The following TRAFD1 variants were observed in gnomAD, a reference collection of about 807,000 sequenced individuals.
The protein encoded by TRAFD1 is TRAF-type zinc finger domain containing 1.
TRAFD1 carries 38 observed loss-of-function variants against 65.3 expected under a neutral mutation model. The ratio of observed to expected loss-of-function variants is 0.58; its 90% CI spans 0.45 to 0.76. TRAFD1 has a LOEUF of 0.76. Among genes scored for constraint, TRAFD1 ranks in the 30% least tolerant of loss-of-function variants. The pLI is 0.00. For missense variants in TRAFD1, 631 were observed against 712.6 expected, an observed-to-expected ratio of 0.89 and a Z score of 1.30; for synonymous variants, 223 against 257.2, an observed-to-expected ratio of 0.87 and a Z score of 1.27.
At chr12:112,149,324 A>C (rs2030338092) in intron 8 of TRAFD1, 1 of 158,272 alleles carries the variant, frequency 6.3e-6, no homozygotes, top group Admixed American at 6.2e-5. Context: ...CAACGACACA[A>C]ATAAATACTC....
intron 4 of TRAFD1, among the ~76,000 whole-genome samples, chr12:112,138,078 CA>C (rs1474559443): frequency 1.3e-5 from 2 of 151,828 alleles, no homozygotes; most frequent in African/African-American, 4.8e-5. Flanking sequence ...CCTATCTCTA[CA>C]AAAAACTAAA....
At chr12:112,128,646 C>G (rs1229000681) in intron 1 of TRAFD1, among the ~76,000 whole-genome samples, 2 of 152,076 alleles carry the variant, frequency 1.3e-5, no homozygotes, top group African/African-American at 4.8e-5. Context: ...CTGAGATGAG[C>G]ACAACATGAT....
chr12:112,140,995 G>T lies in TRAFD1; in HGVS notation c.414G>T (p.Glu138Asp), dbSNP rs149081968. 9.9e-6 allele frequency: 16 copies of T among 1,614,058 alleles called. No homozygotes were observed. The highest frequency in any genetic ancestry group is 6.7e-5 in the Admixed American group (4 of 59,984). The change falls in exon 5 of 12, where the codon GAG becomes GAT. Residue 138 changes from glutamate to aspartate, a missense_variant. Transcript: ENST00000412615. ...LKTHPEVCGR[E>D]GEEKRNEVAI... Reference sequence around the variant, plus strand: ...CTCACCCTGAAGTTTGTGGGAGAGAGGGGGAGGAAAAGAGAAATGAGGTTG... The same window carrying T: ...CTCACCCTGAAGTTTGTGGGAGAGATGGGGAGGAAAAGAGAAATGAGGTTG...
In TRAFD1 at chr12:112,148,257, G is replaced by C; in HGVS notation, c.1111G>C (p.Glu371Gln). ...GGAGGAGAGCATCATTATCCCATGT[G>C]AATTCTGTGGGGTACAGCTGGAAGA... is the stretch of plus-strand genomic sequence containing the variant. Reference protein sequence around the residue: ...PVEESIIIPCEFCGVQLEEEV... With the variant: ...PVEESIIIPCQFCGVQLEEEV... The change falls in exon 8 of 12, where the codon GAA becomes CAA. Residue 371 changes from glutamate to glutamine, a missense_variant. Glu to Gln is a conservative substitution (Grantham distance 29). Coordinates refer to ENST00000412615, the MANE Select transcript of TRAFD1 (RefSeq NM_006700.3). 6.2e-7 allele frequency: 1 copy of C among 1,614,148 alleles called. No individual in the cohort carries two copies. Among genetic ancestry groups the C allele is most frequent in the Non-Finnish European group, 8.5e-7 (1 of 1,180,022 alleles).
intron 4 of TRAFD1, among the ~76,000 whole-genome samples, chr12:112,139,369 A>C (rs935895738): frequency 6.6e-6 from 1 of 152,104 alleles, no homozygotes; most frequent in Non-Finnish European, 1.5e-5. Flanking sequence ...AAGAAAAATT[A>C]AAATTAAAAA....
intron 4 of TRAFD1, among the ~76,000 whole-genome samples, chr12:112,136,043 C>T (rs572462965): frequency 4.7e-4 from 71 of 150,738 alleles, no homozygotes; most frequent in African/African-American, 1.7e-3. Flanking sequence ...GCACGAGAAT[C>T]GCTTGAATCC....
At position 112,152,441 on chromosome 12, in the gene TRAFD1, G is replaced by A. The variant is rs778557303; in HGVS notation, c.1634G>A (p.Gly545Asp). The part of the protein sequence containing the change: ...GRYGASGRSE[G>D]GRNSRVTPAA... ...TTTTCTTTCAGTGGTAGGAGTGAAG[G>A]TGGCAGGAATTCCCGGGTCACCCCT... Residue 545 changes from glycine (G) to aspartate (D), a missense_variant, in exon 11 of 12, where the codon GGT becomes GAT. Transcript: ENST00000412615. The surrounding 1 kb of genome is among the most constrained non-coding windows in gnomAD (Gnocchi z 5.0). The A allele has an allele frequency of 1.3e-5, 21 of 1,613,568 alleles. No homozygotes were observed. Among genetic ancestry groups the A allele is most frequent in the Non-Finnish European group, 1.7e-5 (20 of 1,180,034 alleles).
intron 6 of TRAFD1, among the ~76,000 whole-genome samples, chr12:112,145,002 T>A (rs1235642553): frequency 6.6e-6 from 1 of 152,174 alleles, no homozygotes; most frequent in Non-Finnish European, 1.5e-5. Context: ...TACCCAGAAC[T>A]AAAATCTAGA....
Position 112,134,702 on chromosome 12 carries a change from G to A in TRAFD1, c.48-36G>A, listed in dbSNP as rs776849242. ...TGCAAGAAAAGGCATAGATTAGTCA[G>A]TAATGCTTGCCTTTTTCTTTGGTCT... is the stretch of plus-strand genomic sequence containing the variant. On this transcript the variant is annotated intron_variant, in intron 2 of 11. Transcript: ENST00000412615. 5.6e-6 allele frequency: 9 copies of A among 1,601,504 alleles called. No individual in the cohort carries two copies. In the African/African-American group the frequency reaches 8.0e-5, roughly 14 times the overall value.
chr12:112,151,343 C>T (rs1039176066), intron 9 of TRAFD1, among the ~76,000 whole-genome samples: 42 of 152,138 alleles, frequency 2.8e-4, no homozygotes, highest in African/African-American at 9.9e-4. Context: ...AAAATATCCC[C>T]ATCTCTGCCC....
rs139230576 is a variant in TRAFD1, at chr12:112,137,790, T to A, written c.237+2724T>A. On this transcript the variant is annotated intron_variant, in intron 4 of 11. Transcript: ENST00000412615. The surrounding 1 kb of genome is among the most constrained non-coding windows in gnomAD (Gnocchi z 4.2). ...AAATAAATAAATAAAAATAAATAAATAAAAATCCAAACAGCTGTTTATATG... is the reference window on the plus strand; with the variant it reads ...AAATAAATAAATAAAAATAAATAAAAAAAAATCCAAACAGCTGTTTATATG... Among the ~76,000 whole-genome samples the A allele has an allele frequency of 9.2e-4, 140 of 152,036 alleles. 1 individual carries two copies. The highest frequency in any genetic ancestry group is 3.3e-3 in the African/African-American group (135 of 41,494).
chr12:112,151,387 A>T (rs2030401224), intron 9 of TRAFD1, among the ~76,000 whole-genome samples: 1 of 150,870 alleles, frequency 6.6e-6, no homozygotes, highest in South Asian at 2.1e-4. Flanking sequence ...TTTTGGGGTG[A>T]GCAGTTGTCT....
At chr12:112,146,205 AAAC>A (rs1186743025) in intron 7 of TRAFD1, among the ~76,000 whole-genome samples, 1 of 150,404 alleles carries the variant, frequency 6.6e-6, no homozygotes, top group Non-Finnish European at 1.5e-5. Context: ...AGAAAAAAAA[AAAC>A]AATAGTGAAA....
At chr12:112,127,870 G>A (rs1054784377) in intron 1 of TRAFD1, among the ~76,000 whole-genome samples, 5 of 148,652 alleles carry the variant, frequency 3.4e-5, no homozygotes, top group African/African-American at 9.9e-5. Flanking sequence ...CACCGCACCC[G>A]GCTGCTTATT....
chr12:112,148,156 T>C lies in TRAFD1; in HGVS notation c.1010T>C (p.Ile337Thr). Reference sequence around the variant, plus strand: ...AGAGGGGTGGAGGAACCTGATGTCATCTTCCAGAACTTCTTGCAACAGGCT... The same window carrying C: ...AGAGGGGTGGAGGAACCTGATGTCACCTTCCAGAACTTCTTGCAACAGGCT... ...SPRGVEEPDV[I>T]FQNFLQQAAS... is the part of the protein sequence containing the mutation. The change falls in exon 8 of 12, where the codon ATC (isoleucine) becomes ACC (threonine). Residue 337 changes from isoleucine to threonine, a missense_variant. Ile to Thr is a moderately conservative substitution (Grantham distance 89). Coordinates refer to ENST00000412615, the MANE Select transcript of TRAFD1 (RefSeq NM_006700.3). 1 of 1,614,218 alleles carries C rather than the reference T, an allele frequency of 6.2e-7. No individual in the cohort carries two copies. The highest frequency in any genetic ancestry group is 8.5e-7 in the Non-Finnish European group (1 of 1,180,036).
At chr12:112,128,870 A>G (rs1449421929) in intron 1 of TRAFD1, among the ~76,000 whole-genome samples, 1 of 151,898 alleles carries the variant, frequency 6.6e-6, no homozygotes, top group Non-Finnish European at 1.5e-5. Flanking sequence ...GTGAAACTCC[A>G]TCTCTACTGA....
At chr12:112,133,311 G>A (rs982057186) in intron 2 of TRAFD1, 1 of 152,192 alleles carries the variant, frequency 6.6e-6, no homozygotes. Flanking sequence ...CATCCAGCCT[G>A]CTTCGAAAGG....
In TRAFD1 at chr12:112,134,795, C is replaced by T. The variant is rs2079587596; in HGVS notation, c.105C>T (p.Asn35=). ...TCCATGAGATCCACTGTCAAAGGAA[C>T]ATTGGTATGTGTCCTACCTGTAAGG... ...FTIHEIHCQR[N]IGMCPTCKEP... is the part of the protein sequence containing the mutation. Residue 35 remains asparagine (N), a synonymous_variant, in exon 3 of 12, where the codon AAC becomes AAT. Coordinates refer to ENST00000412615, the MANE Select transcript of TRAFD1 (RefSeq NM_006700.3). 4 of 1,613,740 alleles carry T rather than the reference C, an allele frequency of 2.5e-6. No individual in the cohort carries two copies. The highest frequency in any genetic ancestry group is 4.5e-5 in the East Asian group (2 of 44,872).
chr12:112,149,638 A>G, intron 8 of TRAFD1, 113 bp from the exon 9 acceptor site: 1 of 1,423,426 alleles, frequency 7.0e-7, no homozygotes, highest in Non-Finnish European at 9.6e-7. Context: ...GAACTTTCAG[A>G]GGTTGTCAAA....
Sources: gnomAD v4.1 joint callset for allele counts (sites outside exome capture counted in the v4.1 genomes callset) on GRCh38, gnomAD v4.1.1 for gene constraint, Gnocchi (gnomAD v3.1) non-coding constraint, MANE v1.5 for transcripts, NCBI Gene and HGNC (gene_info 2026-07-23, HGNC 2026-07-21) for gene names.